The following SLC4A9 variants were observed in gnomAD, a reference collection of about 807,000 sequenced individuals.
The protein encoded by SLC4A9 is solute carrier family 4 member 9, also known as anion exchange protein 4.
Under a neutral mutation model 103.2 loss-of-function variants are expected in SLC4A9, and 102 were observed. The observed-to-expected ratio is 0.99, with a 90% CI of 0.84 to 1.17. The LOEUF (loss-of-function observed/expected upper bound fraction) is 1.17. Among genes scored for constraint, SLC4A9 ranks in the 50% most tolerant of loss-of-function variants. The pLI is 0.00. For synonymous variants in SLC4A9, 453 were observed against 483.6 expected, an observed-to-expected ratio of 0.94 and a Z score of 0.83; for missense variants, 1,091 against 1,193.7, an observed-to-expected ratio of 0.91 and a Z score of 1.27.
In SLC4A9 at chr5:140,363,975, A is replaced by C. The variant is rs1767508762; in HGVS notation, c.1254+73A>C. ...CATCCCTTCCCCTGGGACTATGGGT[A>C]AGTTAAGGAGGCTCTCCCAAAGCTT... On this transcript the variant is annotated intron_variant, in intron 9 of 21. Transcript: ENST00000506757. This position sits in a 1 kb window ranked among gnomAD's most constrained non-coding sequence, Gnocchi z 4.5. 2 of 1,568,158 alleles carry C rather than the reference A, an allele frequency of 1.3e-6. No individual in the cohort carries two copies. The highest frequency in any genetic ancestry group is 4.5e-5 in the East Asian group (2 of 44,302).
Position 140,364,363 on chromosome 5 carries a change from A to G in SLC4A9, c.1389A>G (p.Arg463=). ...GCCTTCCTGTCTCTCATCCCCACAG[A>G]GATTACAGCCTGGACTACCTGCCCT... ...VFERLLFSFS[R]DYSLDYLPFR... The change falls in exon 11 of 22, where the codon AGA becomes AGG. Residue 463 remains arginine, a splice_region_variant and synonymous_variant. Transcript: ENST00000506757. The G allele has an allele frequency of 6.2e-7, 1 of 1,612,514 alleles. No individual in the cohort carries two copies. Among genetic ancestry groups the G allele is most frequent in the Non-Finnish European group, 8.5e-7 (1 of 1,179,832 alleles).
intron 3 of SLC4A9, 59 bp downstream of exon 3, chr5:140,361,426 C>A: frequency 1.5e-6 from 2 of 1,357,202 alleles, no homozygotes; most frequent in South Asian, 1.3e-5. Context: ...TCTCAGATCT[C>A]CCCTGCACCT....
At chr5:140,371,376 T>C in intron 18 of SLC4A9, 75 bp from the exon 19 acceptor site, 2 of 1,567,150 alleles carry the variant, frequency 1.3e-6, no homozygotes, top group Admixed American at 3.4e-5. Context: ...AGTGCTGGGC[T>C]ATGATAGCTA....
intron 14 of SLC4A9, 40 bp from the exon 15 acceptor site, chr5:140,367,380 G>A: frequency 6.3e-7 from 1 of 1,597,004 alleles, no homozygotes; most frequent in Non-Finnish European, 8.5e-7. Flanking sequence ...ATGCTCTTGG[G>A]AGACCCACTC....
rs781082714 is a variant in SLC4A9 at position 140,364,162 on chromosome 5, G to C, written c.1363G>C (p.Glu455Gln). ...LSSTGPVLVF[E>Q]RLLFSFSRDY... ...CAGCACGGGGCCAGTGCTGGTCTTT[G>C]AGCGCCTGCTCTTCTCTTTCAGCAG... The change falls in exon 10 of 22, where the codon GAG becomes CAG. Residue 455 changes from glutamate to glutamine, a missense_variant. By Grantham distance (29) the Glu-to-Gln change is conservative. Transcript: ENST00000506757. 7.0e-6 allele frequency: 11 copies of C among 1,576,774 alleles called. No individual in the cohort carries two copies. In the Admixed American group the frequency reaches 1.8e-4, roughly 26 times the overall value.
chr5:140,361,166 A>G (rs1434343003), intron 2 of SLC4A9, 88 bp from the exon 3 acceptor site: 1 of 1,307,616 alleles, frequency 7.6e-7, no homozygotes, highest in Non-Finnish European at 1.1e-6. Flanking sequence ...GACTCCCAGA[A>G]GGGAAAGGTG....
Position 140,370,737 on chromosome 5 carries a change from G to A in SLC4A9, c.2428-358G>A, listed in dbSNP as rs181975863. ...AGCAAAGCAAAAGGCTTTGCAAGGG[G>A]TAGGAACAAACTTGGGCATGTTGAG... On this transcript the variant is annotated intron_variant, in intron 17 of 21. Transcript: ENST00000506757. Among the ~76,000 whole-genome samples, 5 of 152,220 alleles carry A rather than the reference G, an allele frequency of 3.3e-5. No homozygotes were observed. In the East Asian group the frequency reaches 9.6e-4, roughly 29 times the overall value.
At chr5:140,361,002 T>C (rs1295602004) in intron 2 of SLC4A9, 30 bp downstream of exon 2, 17 of 1,520,710 alleles carry the variant, frequency 1.1e-5, no homozygotes, top group African/African-American at 2.8e-5. Flanking sequence ...AGGAAGGGCC[T>C]GGGTAGCCAT....
intron 1 of SLC4A9, 150 bp from the exon 2 acceptor site, chr5:140,360,662 T>C: frequency 7.6e-7 from 1 of 1,318,566 alleles, no homozygotes. Context: ...AGACCCTAGA[T>C]GAGGGGTGAC....
chr5:140,360,213 G>C lies in SLC4A9; in HGVS notation c.-24G>C. The C allele has an allele frequency of 6.3e-7, 1 of 1,597,862 alleles. No individual in the cohort carries two copies. Among genetic ancestry groups the C allele is most frequent in the Non-Finnish European group, 8.5e-7 (1 of 1,170,574 alleles). On this transcript the variant is annotated 5_prime_UTR_variant, in exon 1 of 22. Coordinates refer to ENST00000506757, the MANE Select transcript of SLC4A9 (RefSeq NM_031467.3). ...GGCTTCAGAACCTAGGACTGTACTGGTTCTGAGATTCTGTGCAAGCCTCAT... is the reference window on the plus strand; with the variant it reads ...GGCTTCAGAACCTAGGACTGTACTGCTTCTGAGATTCTGTGCAAGCCTCAT...
At chr5:140,368,356 G>T (rs1025197811) in intron 16 of SLC4A9, among the ~76,000 whole-genome samples, 9 of 152,216 alleles carry the variant, frequency 5.9e-5, no homozygotes, top group Admixed American at 2.6e-4. Flanking sequence ...GAGCAACTAT[G>T]AACTTGAATT....
At chr5:140,360,664 A>G in intron 1 of SLC4A9, 148 bp from the exon 2 acceptor site, 1 of 1,322,836 alleles carries the variant, frequency 7.6e-7, no homozygotes, top group Non-Finnish European at 1.0e-6. Flanking sequence ...ACCCTAGATG[A>G]GGGGTGACTG....
chr5:140,372,911 C>A, intron 21 of SLC4A9, 68 bp downstream of exon 21: 1 of 940,328 alleles, frequency 1.1e-6, no homozygotes, highest in Non-Finnish European at 1.6e-6. Context: ...TTGGAACTCT[C>A]CAGTGTGTTG....
At position 140,367,886 on chromosome 5, in the gene SLC4A9, T is replaced by C; in HGVS notation, c.2342T>C (p.Phe781Ser). ...TGTGCCCCCGGGGAGCGCCCCAACTTCCTGGGTATCAGGTGAGGGCGGTAT... is the reference window on the plus strand; with the variant it reads ...TGTGCCCCCGGGGAGCGCCCCAACTCCCTGGGTATCAGGTGAGGGCGGTAT... ...RACAPGERPN[F>S]LGIREQRLTG... is the part of the protein sequence containing the mutation. The change falls in exon 16 of 22, where the codon TTC becomes TCC. Residue 781 changes from phenylalanine to serine, a missense_variant. Phe to Ser is a radical substitution (Grantham distance 155). Transcript: ENST00000506757. 5 of 1,613,734 alleles carry C rather than the reference T, an allele frequency of 3.1e-6. No homozygotes were observed. Among genetic ancestry groups the C allele is most frequent in the Non-Finnish European group, 4.2e-6 (5 of 1,179,812 alleles).
Position 140,363,326 on chromosome 5 carries a change from C to T in SLC4A9, c.963-113C>T. On this transcript the variant is annotated intron_variant, in intron 7 of 21. Coordinates refer to ENST00000506757, the MANE Select transcript of SLC4A9 (RefSeq NM_031467.3). The surrounding 1 kb of genome is among the most constrained non-coding windows in gnomAD (Gnocchi z 4.5). ...AGAGGCCCAGGTGTCGCCATGGTTC[C>T]CTCGCCGGCAGAGACAAGAGCAGCC... 1 of 1,066,864 alleles carries T rather than the reference C, an allele frequency of 9.4e-7. No homozygotes were observed. The highest frequency in any genetic ancestry group is 1.6e-5 in the South Asian group (1 of 64,046). 66.1% of individuals were successfully genotyped at this position (1,066,864 alleles called of 1,614,324 possible).
rs1413069159 is a variant in SLC4A9, at chr5:140,365,966, T to C, written c.1843T>C (p.Phe615Leu). The C allele has an allele frequency of 6.2e-7, 1 of 1,614,066 alleles. No individual in the cohort carries two copies. Among genetic ancestry groups the C allele is most frequent in the Admixed American group, 1.7e-5 (1 of 60,028 alleles). Residue 615 changes from phenylalanine to leucine, a missense_variant, in exon 13 of 22, where the codon TTC becomes CTC. Transcript: ENST00000506757. ...CTCCCTTCTCCTCTTCCTTACTTCT[T>C]TCTTCTTTGCTATGGCCCTCAAGTG... ...FFSLLLFLTSFFFAMALKCVK... is the reference protein window; with the variant it reads ...FFSLLLFLTSLFFAMALKCVK...
intron 14 of SLC4A9, 53 bp from the exon 15 acceptor site, chr5:140,367,367 G>A: frequency 6.3e-7 from 1 of 1,577,092 alleles, no homozygotes; most frequent in Non-Finnish European, 8.6e-7. Context: ...ATGTGCAGGT[G>A]AGATGCTCTT....
intron 19 of SLC4A9, among the ~76,000 whole-genome samples, chr5:140,371,908 G>A (rs964201610): frequency 2.0e-5 from 3 of 152,180 alleles, no homozygotes; most frequent in Non-Finnish European, 4.4e-5. Flanking sequence ...AGAGGAAATG[G>A]TGACACTTTT....
In SLC4A9 at chr5:140,363,420, G is replaced by A; in HGVS notation, c.963-19G>A. On this transcript the variant is annotated intron_variant, in intron 7 of 21. Coordinates refer to ENST00000506757, the MANE Select transcript of SLC4A9 (RefSeq NM_031467.3). This position sits in a 1 kb window ranked among gnomAD's most constrained non-coding sequence, Gnocchi z 4.5. ...TGGTTGGAGATCCTCAGCCAACCTG[G>A]GGTTCCCCTCCTCCTCAGGCTTCCC... is the stretch of plus-strand genomic sequence containing the variant. 1 of 1,548,804 alleles carries A rather than the reference G, an allele frequency of 6.5e-7. No homozygotes were observed. The highest frequency in any genetic ancestry group is 1.4e-5 in the African/African-American group (1 of 73,100).
Sources: allele counts gnomAD v4.1 joint callset (sites outside exome capture counted in the v4.1 genomes callset), GRCh38; gene constraint gnomAD v4.1.1; non-coding constraint Gnocchi (gnomAD v3.1); transcripts MANE v1.5; gene names NCBI Gene and HGNC (gene_info 2026-07-23, HGNC 2026-07-21).